WDTC1: variants seen among roughly 807,000 people sequenced by gnomAD.
WDTC1 encodes WD and tetratricopeptide repeats 1.
In WDTC1, 12 loss-of-function variants were observed where a neutral mutation model predicts 76.0. The ratio of observed to expected loss-of-function variants is 0.16; its 90% CI spans 0.10 to 0.26. The LOEUF (loss-of-function observed/expected upper bound fraction) is 0.26, where lower values mean the gene tolerates loss of function less well. Among genes scored for constraint, WDTC1 ranks in the 10% least tolerant of loss-of-function variants. The pLI is 1.00. For synonymous variants in WDTC1, 326 were observed against 350.8 expected (o/e 0.93, Z 0.79); for missense variants, 511 against 908.8 (o/e 0.56, Z 5.63).
intron 9 of WDTC1, among the ~76,000 whole-genome samples, chr1:27,295,819 G>A (rs2013668147): frequency 6.6e-6 from 1 of 152,074 alleles, no homozygotes; most frequent in South Asian, 2.1e-4. Flanking sequence ...AGGCTGGAGT[G>A]CAGTGGTACA....
intron 3 of WDTC1, among the ~76,000 whole-genome samples, chr1:27,265,041 C>T (rs1357681827): frequency 2.0e-5 from 3 of 152,164 alleles, no homozygotes; most frequent in South Asian, 2.1e-4. Flanking sequence ...TGAGCTCAAG[C>T]CATTCACCTG....
At chr1:27,281,383 G>C (rs1557497095) in intron 3 of WDTC1, among the ~76,000 whole-genome samples, 1 of 151,164 alleles carries the variant, frequency 6.6e-6, no homozygotes. Flanking sequence ...GAACCCAGGA[G>C]GCGGAGGTTG....
intron 11 of WDTC1, 120 bp from the exon 12 acceptor site, chr1:27,297,818 T>G (rs2013732344): frequency 1.9e-6 from 2 of 1,038,062 alleles, no homozygotes; most frequent in South Asian, 1.8e-5. Context: ...CTCTTCCAGA[T>G]AGCAGTCAGA....
Position 27,294,423 on chromosome 1 carries a change from T to A in WDTC1, c.758-91T>A, listed in dbSNP as rs1176703087. 3.5e-6 allele frequency: 4 copies of A among 1,153,132 alleles called. No individual in the cohort carries two copies. The Admixed American group carries it at 7.5e-5, about 22-fold the overall frequency. The allele number at this position is 1,153,132 out of a possible 1,614,324, so 71.4% of individuals were successfully genotyped here. On this transcript the variant is annotated intron_variant, in intron 8 of 15. Coordinates refer to ENST00000319394, the MANE Select transcript of WDTC1 (RefSeq NM_001276252.2). ...TAGCTGCTTTTATGCTAAAGTTGAT[T>A]GGTATAATTTTTGATATGACTGACT... is the stretch of plus-strand genomic sequence containing the variant.
intron 7 of WDTC1, among the ~76,000 whole-genome samples, chr1:27,292,955 T>C (rs927929718): frequency 1.8e-4 from 27 of 149,340 alleles, no homozygotes; most frequent in Middle Eastern, 3.4e-3. Context: ...TTTCACCATG[T>C]TGACCAGGCT....
chr1:27,281,242 A>G (rs1033162653), intron 3 of WDTC1, among the ~76,000 whole-genome samples: 6 of 151,952 alleles, frequency 3.9e-5, no homozygotes, highest in Admixed American at 6.6e-5. Flanking sequence ...CGGGCGGATC[A>G]TGAGGTCGAG....
intron 3 of WDTC1, among the ~76,000 whole-genome samples, chr1:27,281,330 T>G (rs938809107): frequency 1.7e-4 from 26 of 151,328 alleles, no homozygotes; most frequent in African/African-American, 5.8e-4. Flanking sequence ...GGCGGGCGCC[T>G]GTAGTCTCAG....
chr1:27,292,796 C>T (rs550324406), intron 7 of WDTC1, among the ~76,000 whole-genome samples: 1 of 120,284 alleles, frequency 8.3e-6, no homozygotes, highest in Admixed American at 1.0e-4. Context: ...GAGTCTTGCT[C>T]TGTCACCCGT....
chr1:27,288,957 G>A (rs1354420029), intron 6 of WDTC1, among the ~76,000 whole-genome samples: 68 of 147,442 alleles, frequency 4.6e-4, no homozygotes, highest in African/African-American at 1.6e-3. Flanking sequence ...CCTCCCGGAC[G>A]GGGCGGCTGG....
chr1:27,297,832 C>T, intron 11 of WDTC1, 106 bp from the exon 12 acceptor site: 1 of 1,271,756 alleles, frequency 7.9e-7, no homozygotes, highest in Non-Finnish European at 1.1e-6. Flanking sequence ...AGTCAGATCC[C>T]AGGGGCCAAG....
Position 27,269,575 on chromosome 1 carries a change from A to G in WDTC1, c.132+6340A>G, listed in dbSNP as rs183741284. 2.0e-5 allele frequency among the ~76,000 whole-genome samples: 3 copies of G among 146,538 alleles called. No homozygotes were observed. The East Asian group carries it at 6.1e-4, about 30-fold the overall frequency. Reference sequence around the variant, plus strand: ...GTCATTGAATGGTTTTGACCATAAGAGCAACATGATCAGATTTTTTTTTGT... The same window carrying G: ...GTCATTGAATGGTTTTGACCATAAGGGCAACATGATCAGATTTTTTTTTGT... On this transcript the variant is annotated intron_variant, in intron 3 of 15. Coordinates refer to ENST00000319394, the MANE Select transcript of WDTC1 (RefSeq NM_001276252.2).
chr1:27,246,855 C>T (rs1306625317), intron 1 of WDTC1, among the ~76,000 whole-genome samples: 1 of 150,890 alleles, frequency 6.6e-6, no homozygotes, highest in Admixed American at 6.6e-5. Context: ...AGCCACCACG[C>T]CCAGCCATTT....
intron 1 of WDTC1, among the ~76,000 whole-genome samples, chr1:27,248,937 G>A (rs1348006051): frequency 3.3e-5 from 5 of 152,058 alleles, no homozygotes; most frequent in African/African-American, 1.2e-4. Flanking sequence ...GATTATAGAC[G>A]TGAGCCACTG....
intron 12 of WDTC1, among the ~76,000 whole-genome samples, chr1:27,299,512 C>G (rs1338461910): frequency 1.3e-5 from 2 of 151,650 alleles, no homozygotes; most frequent in Non-Finnish European, 2.9e-5. Flanking sequence ...GAAGGACATT[C>G]CAGGGAGATG....
At position 27,301,339 on chromosome 1, in the gene WDTC1, T is replaced by C; in HGVS notation, c.1346T>C (p.Val449Ala). The C allele has an allele frequency of 6.2e-7, 1 of 1,614,188 alleles. No homozygotes were observed. Among genetic ancestry groups the C allele is most frequent in the Non-Finnish European group, 8.5e-7 (1 of 1,180,036 alleles). The change falls in exon 13 of 16, where the codon GTG (valine) becomes GCG (alanine). Residue 449 changes from valine to alanine, a missense_variant. Transcript: ENST00000319394. This position sits in a 1 kb window ranked among gnomAD's most constrained non-coding sequence, Gnocchi z 5.8. The stretch of plus-strand genomic sequence containing the variant: ...CGCTGCCTCTTTGAGCTCAAGTATG[T>C]GGCTGAAGCCCTGGAGTGCCTGGAC... Reference protein sequence around the residue: ...LARCLFELKYVAEALECLDDF... With the variant: ...LARCLFELKYAAEALECLDDF...
chr1:27,292,128 C>G, intron 6 of WDTC1, 87 bp from the exon 7 acceptor site: 3 of 1,349,888 alleles, frequency 2.2e-6, no homozygotes, highest in Non-Finnish European at 3.0e-6. Flanking sequence ...CCTCCCAATC[C>G]TCTTGCATAA....
intron 9 of WDTC1, 73 bp downstream of exon 9, chr1:27,294,702 T>A: frequency 7.6e-7 from 1 of 1,322,858 alleles, no homozygotes; most frequent in Non-Finnish European, 1.1e-6. Context: ...TACCTTATGT[T>A]CACTGCTGAG....
intron 1 of WDTC1, among the ~76,000 whole-genome samples, chr1:27,255,164 A>G (rs1362494982): frequency 6.6e-6 from 1 of 152,080 alleles, no homozygotes; most frequent in East Asian, 1.9e-4. Context: ...CTCCTTGTCT[A>G]TCACAGTGCT....
chr1:27,256,855 C>T (rs2147925281), intron 1 of WDTC1, among the ~76,000 whole-genome samples: 1 of 152,184 alleles, frequency 6.6e-6, no homozygotes, highest in South Asian at 2.1e-4. Context: ...TAATATTTGA[C>T]AACATATATT....
Sources: gnomAD v4.1 joint callset for allele counts (sites outside exome capture counted in the v4.1 genomes callset) on GRCh38, gnomAD v4.1.1 for gene constraint, Gnocchi (gnomAD v3.1) non-coding constraint, MANE v1.5 for transcripts, NCBI Gene and HGNC (gene_info 2026-07-23, HGNC 2026-07-21) for gene names.